Variants in COBL observed in about 807,000 individuals in gnomAD.
COBL encodes protein cordon-bleu.
COBL carries 51 observed loss-of-function variants against 98.8 expected under a neutral mutation model. The ratio of observed to expected loss-of-function variants is 0.52; its 90% CI spans 0.41 to 0.65. The LOEUF is 0.65. COBL is among the 30% of genes least tolerant of loss of function. COBL has a pLI of 0.00. For missense variants in COBL, 1,617 were observed against 1,617.5 expected (o/e 1.00, Z 0.01); for synonymous variants, 634 against 651.7 (o/e 0.97, Z 0.41).
chr7:51,177,067 T>C lies in COBL; in HGVS notation c.783+7035A>G, dbSNP rs1788442800. On this transcript the variant is annotated intron_variant, in intron 5 of 12. Coordinates refer to ENST00000265136, the MANE Select transcript of COBL (RefSeq NM_015198.5). ...TCAAATAGGTTTAGCCTATTTCTGG[T>C]AGGTGTTTAAGGTCATAAAACTGTT... Among the ~76,000 whole-genome samples, 2 of 152,214 alleles carry C rather than the reference T, an allele frequency of 1.3e-5. 1 individual carries two copies. The highest frequency in any genetic ancestry group is 4.8e-5 in the African/African-American group (2 of 41,452).
chr7:51,291,651 C>T (rs559750738), intron 1 of COBL, among the ~76,000 whole-genome samples: 1 of 151,988 alleles, frequency 6.6e-6, no homozygotes, highest in Non-Finnish European at 1.5e-5. Context: ...ATCCCAGCTA[C>T]TCGGGTGGCT....
At position 51,217,609 on chromosome 7, in the gene COBL, C is replaced by T. The variant is rs188389726; in HGVS notation, c.245+2132G>A. Among the ~76,000 whole-genome samples the T allele has an allele frequency of 1.5e-4, 23 of 152,250 alleles. No individual in the cohort carries two copies. The East Asian group carries it at 4.3e-3, about 28-fold the overall frequency. ...CCACCTACCTCAGCCTCCCAAAGTGCTGGGATTACAGGCGTGAGCCACCAT... is the reference window on the plus strand; with the variant it reads ...CCACCTACCTCAGCCTCCCAAAGTGTTGGGATTACAGGCGTGAGCCACCAT... On this transcript the variant is annotated intron_variant, in intron 2 of 12. Transcript: ENST00000265136.
At position 51,017,010 on chromosome 7, in the gene COBL, A is replaced by G; in HGVS notation, c.*541T>C. On this transcript the variant is annotated 3_prime_UTR_variant, in exon 13 of 13. Transcript: ENST00000265136. Reference sequence around the variant, plus strand: ...GGAAGAAGAATCCAGCAGTTTTACTACCTAACAAAGCCACCTTTGAAAAGC... The same window carrying G: ...GGAAGAAGAATCCAGCAGTTTTACTGCCTAACAAAGCCACCTTTGAAAAGC... 2.5e-6 allele frequency: 1 copy of G among 404,980 alleles called. No homozygotes were observed. The highest frequency in any genetic ancestry group is 4.3e-6 in the Non-Finnish European group (1 of 230,190). The allele number at this position is 404,980 out of a possible 1,614,324, so 25.1% of individuals were successfully genotyped here.
chr7:51,041,501 T>TG (rs35216533), intron 8 of COBL, among the ~76,000 whole-genome samples: 18 of 142,576 alleles, frequency 1.3e-4, no homozygotes, highest in Admixed American at 9.7e-4. Flanking sequence ...TTTTTTTTTT[T>TG]GAGACAGAGT....
chr7:51,018,276 G>A (rs1475738309), intron 12 of COBL: 1 of 152,286 alleles, frequency 6.6e-6, no homozygotes, highest in Non-Finnish European at 1.5e-5. Flanking sequence ...TGGTGATGGT[G>A]ATGGTGATGG....
Position 51,019,185 on chromosome 7 carries a change from G to A in COBL, c.3769-1617C>T, listed in dbSNP as rs186160137. The stretch of plus-strand genomic sequence containing the variant: ...TTGTGTGCTCCCAAATTCACATGCT[G>A]AAATCCCAACCTCCAAGATGGTGGT... On this transcript the variant is annotated intron_variant, in intron 12 of 12. Coordinates refer to ENST00000265136, the MANE Select transcript of COBL (RefSeq NM_015198.5). Among the ~76,000 whole-genome samples, 4 of 151,638 alleles carry A rather than the reference G, an allele frequency of 2.6e-5. No homozygotes were observed. In the East Asian group the frequency reaches 7.8e-4, roughly 30 times the overall value.
chr7:51,308,344 T>C (rs2129213625), intron 1 of COBL, among the ~76,000 whole-genome samples: 1 of 152,324 alleles, frequency 6.6e-6, no homozygotes, highest in Admixed American at 6.5e-5. Flanking sequence ...AGAACTGATT[T>C]GGTAATCTGC....
intron 5 of COBL, chr7:51,156,211 C>A (rs1280721198): frequency 1.0e-6 from 1 of 985,010 alleles, no homozygotes; most frequent in Non-Finnish European, 1.2e-6. Flanking sequence ...CACACACACA[C>A]AAAATTTACA....
At chr7:51,144,696 C>G (rs1423066601) in intron 5 of COBL, among the ~76,000 whole-genome samples, 1 of 152,142 alleles carries the variant, frequency 6.6e-6, no homozygotes, top group Non-Finnish European at 1.5e-5. Flanking sequence ...GCAGACACTC[C>G]CCAATCCCCT....
At chr7:51,051,903 T>A (rs1461888074) in intron 7 of COBL, among the ~76,000 whole-genome samples, 1 of 152,252 alleles carries the variant, frequency 6.6e-6, no homozygotes, top group Non-Finnish European at 1.5e-5. Context: ...TTTATTGTAA[T>A]GTGCTTTTTG....
intron 7 of COBL, chr7:51,071,040 T>C (rs1792497000): frequency 2.0e-5 from 3 of 152,212 alleles, no homozygotes; most frequent in South Asian, 4.1e-4. Flanking sequence ...AAATAATGCA[T>C]AGTTTTTCTT....
At chr7:51,152,452 A>T (rs1785652834) in intron 5 of COBL, among the ~76,000 whole-genome samples, 1 of 152,130 alleles carries the variant, frequency 6.6e-6, no homozygotes, top group African/African-American at 2.4e-5. Flanking sequence ...CGACTCCCAC[A>T]TTTACATTTA....
At chr7:51,047,142 A>G (rs145976442) in intron 7 of COBL, among the ~76,000 whole-genome samples, 112 of 152,362 alleles carry the variant, frequency 7.4e-4, no homozygotes, top group Middle Eastern at 3.4e-3. Context: ...CTCTTAAGGC[A>G]TGAACAATCT....
chr7:51,272,410 T>C (rs1253247121), intron 1 of COBL, among the ~76,000 whole-genome samples: 8 of 152,188 alleles, frequency 5.3e-5, no homozygotes, highest in Non-Finnish European at 8.8e-5. Context: ...GCAATCCTCA[T>C]CAACTACTCT....
chr7:51,118,144 C>T (rs1797441285), intron 6 of COBL, among the ~76,000 whole-genome samples: 1 of 152,156 alleles, frequency 6.6e-6, no homozygotes, highest in South Asian at 2.1e-4. Context: ...CAAATGGGCA[C>T]CACAAGTTAC....
At chr7:51,040,432 A>G (rs1721757673) in intron 8 of COBL, among the ~76,000 whole-genome samples, 1 of 152,188 alleles carries the variant, frequency 6.6e-6, no homozygotes, top group Admixed American at 6.5e-5. Flanking sequence ...AAGGAAAGTG[A>G]TTGTCCAGGG....
intron 9 of COBL, 92 bp downstream of exon 9, chr7:51,030,720 A>G (rs1788050455): frequency 1.2e-6 from 1 of 838,744 alleles, no homozygotes; most frequent in Admixed American, 2.1e-5. Context: ...GTTTCCTCAC[A>G]TAGATACATC....
At chr7:51,228,006 G>A (rs1171932761) in intron 1 of COBL, among the ~76,000 whole-genome samples, 1 of 152,152 alleles carries the variant, frequency 6.6e-6, no homozygotes, top group Non-Finnish European at 1.5e-5. Flanking sequence ...CAATAAGCCA[G>A]GGAGAAACGA....
chr7:51,082,438 C>T (rs1793752493), intron 7 of COBL, among the ~76,000 whole-genome samples: 1 of 152,166 alleles, frequency 6.6e-6, no homozygotes. Context: ...TTACTAAAGT[C>T]CAAAAGAACC....
Sources: gnomAD v4.1 joint callset for allele counts (sites outside exome capture counted in the v4.1 genomes callset) on GRCh38, gnomAD v4.1.1 for gene constraint, MANE v1.5 for transcripts, NCBI Gene and HGNC (gene_info 2026-07-23, HGNC 2026-07-21) for gene names.